The following ITPR2 variants were observed in gnomAD, a reference collection of about 807,000 sequenced individuals.
ITPR2 encodes the protein inositol 1,4,5-trisphosphate-gated calcium channel ITPR2.
ITPR2 carries 207 observed loss-of-function variants against 317.1 expected under a neutral mutation model. The ratio of observed to expected loss-of-function variants is 0.65; its 90% confidence interval spans 0.58 to 0.73. The LOEUF (loss-of-function observed/expected upper bound fraction) is 0.73. Ranked by LOEUF, ITPR2 falls within the 30% of genes least tolerant of loss-of-function variation. ITPR2 has a pLI of 0.00. For synonymous variants in ITPR2, 1,156 were observed against 1,149.1 expected, an observed-to-expected ratio of 1.01 and a Z score of -0.12; for missense variants, 2,613 against 3,284.0, an observed-to-expected ratio of 0.80 and a Z score of 4.99.
At chr12:26,819,115 AAT>A (rs1430623859) in intron 1 of ITPR2, among the ~76,000 whole-genome samples, 16 of 152,212 alleles carry the variant, frequency 1.1e-4, no homozygotes, top group African/African-American at 3.6e-4. Flanking sequence ...AAGAAATCAA[AAT>A]ATGTGTTTTA....
At position 26,414,050 on chromosome 12, in the gene ITPR2, T is replaced by TACACACACACACACAC. The variant is rs777855580; in HGVS notation, c.7306+1237_7306+1252dup. ...AGCAGATAGTCTACATGTATATATGTACACACACACACACACACACACACA... is the reference window on the plus strand; with the variant it reads ...AGCAGATAGTCTACATGTATATATGTACACACACACACACACACACACACACACACACACACACACA... On this transcript the variant is annotated intron_variant, in intron 51 of 56. Coordinates refer to ENST00000381340, the MANE Select transcript of ITPR2 (RefSeq NM_002223.4). Among the ~76,000 whole-genome samples, 198 of 138,194 alleles carry TACACACACACACACAC rather than the reference T, an allele frequency of 1.4e-3. 1 individual carries two copies. In the Middle Eastern group the frequency reaches 0.029, roughly 20 times the overall value. 90.7% of individuals were successfully genotyped at this position (138,194 alleles called of 152,430 possible).
intron 1 of ITPR2, among the ~76,000 whole-genome samples, chr12:26,824,919 G>A (rs1205318727): frequency 6.6e-6 from 1 of 152,088 alleles, no homozygotes; most frequent in Non-Finnish European, 1.5e-5. Flanking sequence ...ACATTCAAAA[G>A]GCACAGTTTT....
In ITPR2 at chr12:26,672,294, T is replaced by G. The variant is rs868856040; in HGVS notation, c.1410-6243A>C. Among the ~76,000 whole-genome samples the G allele has an allele frequency of 7.2e-4, 109 of 151,864 alleles. No individual in the cohort carries two copies. In the Middle Eastern group the frequency reaches 0.027, roughly 38 times the overall value. ...ACCTATTCCAAAATTGACCACATAG[T>G]TGGAAGTAAAGCTCTCCTCAGCAAA... On this transcript the variant is annotated intron_variant, in intron 13 of 56. Transcript: ENST00000381340.
At chr12:26,360,602 C>A (rs1938795283) in intron 55 of ITPR2, among the ~76,000 whole-genome samples, 1 of 152,124 alleles carries the variant, frequency 6.6e-6, no homozygotes, top group Non-Finnish European at 1.5e-5. Context: ...CTTTTTAGTG[C>A]CCTAACAAAC....
intron 1 of ITPR2, among the ~76,000 whole-genome samples, chr12:26,811,060 A>C (rs975399798): frequency 6.5e-5 from 9 of 137,534 alleles, no homozygotes; most frequent in Admixed American, 2.9e-4. Flanking sequence ...AAAAAAAAAA[A>C]CAGAAAGATA....
At chr12:26,436,380 G>C in intron 47 of ITPR2, 34 bp from the exon 48 acceptor site, 1 of 1,577,598 alleles carries the variant, frequency 6.3e-7, no homozygotes, top group Non-Finnish European at 8.6e-7. Context: ...AACTGAACAG[G>C]AAAATACATT....
intron 55 of ITPR2, among the ~76,000 whole-genome samples, chr12:26,385,738 C>T (rs1939645973): frequency 6.6e-6 from 1 of 152,104 alleles, no homozygotes; most frequent in African/African-American, 2.4e-5. Context: ...TCAGGCTACT[C>T]CCTCTTATAG....
At chr12:26,635,499 T>C (rs1169190656) in intron 21 of ITPR2, among the ~76,000 whole-genome samples, 1 of 152,256 alleles carries the variant, frequency 6.6e-6, no homozygotes, top group African/African-American at 2.4e-5. Context: ...TCTAAGAGTT[T>C]TGTGAATAAT....
Position 26,512,286 on chromosome 12 carries a change from T to C in ITPR2, c.5074-17026A>G, listed in dbSNP as rs79177021. 8.9e-4 allele frequency among the ~76,000 whole-genome samples: 136 copies of C among 152,158 alleles called. 1 individual carries two copies. The East Asian group carries it at 0.025, about 28-fold the overall frequency. On this transcript the variant is annotated intron_variant, in intron 37 of 56. Coordinates refer to ENST00000381340, the MANE Select transcript of ITPR2 (RefSeq NM_002223.4). ...TTTACCCTAAAACAAGTCTGTTGAA[T>C]TTCACTCTGGCAATGTAAATTGATA...
chr12:26,670,006 G>C (rs540860122), intron 13 of ITPR2, among the ~76,000 whole-genome samples: 1 of 152,218 alleles, frequency 6.6e-6, no homozygotes, highest in Non-Finnish European at 1.5e-5. Context: ...AGGGGTGCCC[G>C]CCATTGCCCA....
At position 26,336,691 on chromosome 12, in the gene ITPR2, C is replaced by T. The variant is rs185854121; in HGVS notation, c.*2706G>A. 54 of 152,236 alleles carry T rather than the reference C, an allele frequency of 3.5e-4. No homozygotes were observed. The highest frequency in any genetic ancestry group is 1.3e-3 in the African/African-American group (52 of 41,554). The allele number at this position is 152,236 out of a possible 1,614,324, so 9.4% of individuals were successfully genotyped here. A position where few individuals can be genotyped will look rare whatever the true frequency, so the allele number is the denominator to read the frequency against. ...AATTAAAAATATTATTCAGCAGAAA[C>T]TGATACTTTTGAACCAATATGAATT... On this transcript the variant is annotated 3_prime_UTR_variant, in exon 57 of 57. Coordinates refer to ENST00000381340, the MANE Select transcript of ITPR2 (RefSeq NM_002223.4).
chr12:26,801,936 A>G (rs1360687592), intron 1 of ITPR2, among the ~76,000 whole-genome samples: 1 of 152,220 alleles, frequency 6.6e-6, no homozygotes, highest in African/African-American at 2.4e-5. Context: ...AAATCCAGCC[A>G]TAGGCTATTT....
rs557032682 is a variant in ITPR2, at chr12:26,625,369, G to A, written c.3065-1013C>T. 2.0e-5 allele frequency among the ~76,000 whole-genome samples: 3 copies of A among 152,052 alleles called. 1 individual carries two copies. The East Asian group carries it at 5.8e-4, about 29-fold the overall frequency. On this transcript the variant is annotated intron_variant, in intron 23 of 56. Coordinates refer to ENST00000381340, the MANE Select transcript of ITPR2 (RefSeq NM_002223.4). The stretch of plus-strand genomic sequence containing the variant: ...GTAACACAAAAGATAAATGCTTGAG[G>A]TGATGCATACCTCATTTATCCTGAT...
chr12:26,545,861 G>C (rs1944381274), intron 37 of ITPR2, among the ~76,000 whole-genome samples: 1 of 152,136 alleles, frequency 6.6e-6, no homozygotes, highest in South Asian at 2.1e-4. Context: ...AGAGATCATG[G>C]AGTCCCAACT....
chr12:26,474,884 C>T (rs988880051), intron 45 of ITPR2, among the ~76,000 whole-genome samples: 1 of 151,688 alleles, frequency 6.6e-6, no homozygotes, highest in African/African-American at 2.4e-5. Flanking sequence ...GAAAGCATGT[C>T]AACCTACAAT....
At chr12:26,456,226 CT>C (rs1220653899) in intron 45 of ITPR2, among the ~76,000 whole-genome samples, 1 of 152,204 alleles carries the variant, frequency 6.6e-6, no homozygotes, top group African/African-American at 2.4e-5. Flanking sequence ...AGTAAAGAAG[CT>C]GGCCAAAACC....
intron 42 of ITPR2, among the ~76,000 whole-genome samples, chr12:26,482,076 C>T (rs2136837076): frequency 6.6e-6 from 1 of 152,232 alleles, no homozygotes; most frequent in Non-Finnish European, 1.5e-5. Context: ...ATGAGAAAGA[C>T]CAAAATCAAG....
chr12:26,357,683 T>C (rs1319074004), intron 55 of ITPR2, among the ~76,000 whole-genome samples: 3 of 152,252 alleles, frequency 2.0e-5, no homozygotes, highest in Admixed American at 6.5e-5. Flanking sequence ...TTGGAGATCA[T>C]GCTTTCTAAC....
intron 2 of ITPR2, among the ~76,000 whole-genome samples, chr12:26,782,800 A>G (rs1335064723): frequency 6.6e-6 from 1 of 152,246 alleles, no homozygotes; most frequent in Non-Finnish European, 1.5e-5. Context: ...GTTGATTTCA[A>G]ATCTGAAATA....
Sources: gnomAD v4.1 joint callset for allele counts (sites outside exome capture counted in the v4.1 genomes callset) on GRCh38, gnomAD v4.1.1 for gene constraint, MANE v1.5 for transcripts, NCBI Gene and HGNC (gene_info 2026-07-23, HGNC 2026-07-21) for gene names.